The following PXT1 variants were observed in gnomAD, a reference collection of about 807,000 sequenced individuals.
PXT1 encodes the protein peroxisomal testis-specific protein 1.
A neutral mutation model predicts 11.0 loss-of-function variants in PXT1; 11 were observed. That is an observed-to-expected ratio of 1.00 (90% CI 0.63 to 1.66). The LOEUF is 1.66. Ranked by LOEUF, PXT1 falls within the 40% of genes most tolerant of loss-of-function variation. PXT1 has a pLI of 0.00. For synonymous variants in PXT1, 43 were observed against 51.4 expected (o/e 0.84, Z 0.70); for missense variants, 141 against 155.5 (o/e 0.91, Z 0.49).
intron 2 of PXT1, among the ~76,000 whole-genome samples, chr6:36,437,647 G>A (rs1419305630): frequency 6.6e-6 from 1 of 150,564 alleles, no homozygotes; most frequent in Non-Finnish European, 1.5e-5. Context: ...CTGAGTAGCT[G>A]GGACTACAGG....
At chr6:36,424,688 C>G (rs1774577254) in intron 3 of PXT1, among the ~76,000 whole-genome samples, 1 of 150,998 alleles carries the variant, frequency 6.6e-6, no homozygotes, top group South Asian at 2.1e-4. Context: ...AAATTTCAGT[C>G]AATTCAGTGC....
intron 3 of PXT1, among the ~76,000 whole-genome samples, chr6:36,413,599 T>C (rs1774406786): frequency 6.6e-6 from 1 of 152,272 alleles, no homozygotes; most frequent in Admixed American, 6.5e-5. Flanking sequence ...TCAATAACAA[T>C]GGATATTATA....
Position 36,391,651 on chromosome 6 carries a change from G to C in PXT1, c.*119C>G. Reference sequence around the variant, plus strand: ...AACAAACTGGGTGTAGACCAACAGTGATGGGTACAAAAAGAGGGAGACGGA... The same window carrying C: ...AACAAACTGGGTGTAGACCAACAGTCATGGGTACAAAAAGAGGGAGACGGA... On this transcript the variant is annotated 3_prime_UTR_variant, in exon 5 of 5. Transcript: ENST00000454782. 1.3e-6 allele frequency: 1 copy of C among 761,972 alleles called. No homozygotes were observed. The highest frequency in any genetic ancestry group is 1.5e-5 in the South Asian group (1 of 66,626). 47.2% of individuals were successfully genotyped at this position (761,972 alleles called of 1,614,324 possible).
chr6:36,440,930 GTAGT>G (rs1774849968), intron 1 of PXT1, among the ~76,000 whole-genome samples: 1 of 151,952 alleles, frequency 6.6e-6, no homozygotes, highest in Admixed American at 6.6e-5. Context: ...ATAAGACTCG[GTAGT>G]TAGCCTGATT....
chr6:36,421,403 A>T (rs1434174439), intron 3 of PXT1, among the ~76,000 whole-genome samples: 1 of 152,052 alleles, frequency 6.6e-6, no homozygotes, highest in Non-Finnish European at 1.5e-5. Context: ...CGAGGCTGCC[A>T]TGAGCTATGA....
At chr6:36,440,207 T>C (rs1327743109) in intron 1 of PXT1, among the ~76,000 whole-genome samples, 1 of 152,230 alleles carries the variant, frequency 6.6e-6, no homozygotes, top group Non-Finnish European at 1.5e-5. Flanking sequence ...GCTTAGTCGG[T>C]AGAAATGAGG....
intron 2 of PXT1, among the ~76,000 whole-genome samples, chr6:36,426,390 G>C (rs1446447069): frequency 2.3e-5 from 1 of 42,960 alleles, no homozygotes; most frequent in Non-Finnish European, 4.4e-5. Flanking sequence ...TTTTTTTTGA[G>C]ACGAAGTTTT....
rs142728451 is a variant in PXT1, at chr6:36,405,336, G to T, written c.170-4752C>A. Among the ~76,000 whole-genome samples, 674 of 151,764 alleles carry T rather than the reference G, an allele frequency of 4.4e-3. 7 individuals carry two copies. Among genetic ancestry groups the T allele is most frequent in the African/African-American group, 0.016 (645 of 41,414 alleles). ...AAATGTAAAAGTTTCAAAATAAAAA[G>T]TTACAGTAAGCTAAGGTTAATTTAT... On this transcript the variant is annotated intron_variant, in intron 3 of 4. Transcript: ENST00000454782.
rs1774056301 is a variant in PXT1 at position 36,390,868 on chromosome 6, A to G, written c.*902T>C. 6.6e-6 allele frequency: 1 copy of G among 152,238 alleles called. No individual in the cohort carries two copies. Among genetic ancestry groups the G allele is most frequent in the Admixed American group, 6.5e-5 (1 of 15,276 alleles). The allele number at this position is 152,238 out of a possible 1,614,324, so 9.4% of individuals were successfully genotyped here. On this transcript the variant is annotated 3_prime_UTR_variant, in exon 5 of 5. Transcript: ENST00000454782. Reference sequence around the variant, plus strand: ...AATAGGAAAAGAGAAGTTTTTGCCTAGTGATAGATTCATAACTCTTTCAGG... The same window carrying G: ...AATAGGAAAAGAGAAGTTTTTGCCTGGTGATAGATTCATAACTCTTTCAGG...
At chr6:36,422,981 G>T (rs1774544047) in intron 3 of PXT1, among the ~76,000 whole-genome samples, 1 of 152,104 alleles carries the variant, frequency 6.6e-6, no homozygotes, top group African/African-American at 2.4e-5. Context: ...TCCCTTAAAT[G>T]ATGTGTATCA....
At chr6:36,402,934 C>A (rs1774234011) in intron 3 of PXT1, among the ~76,000 whole-genome samples, 1 of 141,518 alleles carries the variant, frequency 7.1e-6, no homozygotes, top group Admixed American at 7.4e-5. Flanking sequence ...TTTTATTTTT[C>A]TTTTCTTTCT....
At chr6:36,437,777 A>G (rs1372699586) in intron 2 of PXT1, among the ~76,000 whole-genome samples, 1 of 145,380 alleles carries the variant, frequency 6.9e-6, no homozygotes, top group Non-Finnish European at 1.5e-5. Context: ...CAGCCTCCCA[A>G]TGTGCTGGGA....
intron 3 of PXT1, among the ~76,000 whole-genome samples, chr6:36,415,547 T>C (rs542111937): frequency 1.3e-5 from 2 of 152,288 alleles, no homozygotes; most frequent in East Asian, 3.9e-4. Context: ...TGGGGATGAA[T>C]GGAAATTTTC....
Position 36,425,966 on chromosome 6 carries a change from G to A in PXT1, c.117C>T (p.Tyr39=). The A allele has an allele frequency of 6.5e-7, 1 of 1,535,886 alleles. No individual in the cohort carries two copies. The highest frequency in any genetic ancestry group is 1.2e-5 in the South Asian group (1 of 83,700). ...GCTGGGAGCTGACAAGTTGGGTCATGTATGCCTTCTGAAAACTGTATTTTA... is the reference window on the plus strand; with the variant it reads ...GCTGGGAGCTGACAAGTTGGGTCATATATGCCTTCTGAAAACTGTATTTTA... ...LWLKYSFQKA[Y]MTQLVSSQPV... is the part of the protein sequence containing the mutation. Residue 39 remains tyrosine (Y), a synonymous_variant, in exon 3 of 5, where the codon TAC becomes TAT. Transcript: ENST00000454782.
chr6:36,392,761 C>T (rs948782181), intron 4 of PXT1, among the ~76,000 whole-genome samples: 9 of 152,078 alleles, frequency 5.9e-5, no homozygotes, highest in South Asian at 2.1e-4. Context: ...CTGTTTATGT[C>T]GGAACATCAG....
chr6:36,403,319 C>T (rs1774240222), intron 3 of PXT1, among the ~76,000 whole-genome samples: 1 of 152,214 alleles, frequency 6.6e-6, no homozygotes, highest in Non-Finnish European at 1.5e-5. Context: ...TGCAATTAAC[C>T]TTAGCACGGA....
intron 4 of PXT1, among the ~76,000 whole-genome samples, chr6:36,400,162 TCTGA>T (rs1774193798): frequency 6.6e-6 from 1 of 152,200 alleles, no homozygotes; most frequent in Admixed American, 6.5e-5. Context: ...AGATTCTGAT[TCTGA>T]CTGTGTGGGC....
chr6:36,417,952 T>C (rs1774473899), intron 3 of PXT1, among the ~76,000 whole-genome samples: 1 of 151,932 alleles, frequency 6.6e-6, no homozygotes, highest in Admixed American at 6.6e-5. Context: ...ATCCCAGCAC[T>C]CTGGGAGGCT....
In PXT1 at chr6:36,391,616, G is replaced by T; in HGVS notation, c.*154C>A. 2 of 663,478 alleles carry T rather than the reference G, an allele frequency of 3.0e-6. No individual in the cohort carries two copies. The highest frequency in any genetic ancestry group is 1.7e-5 in the South Asian group (1 of 59,488). 41.1% of individuals were successfully genotyped at this position (663,478 alleles called of 1,614,324 possible). A position where few individuals can be genotyped will look rare whatever the true frequency, so the allele number is the denominator to read the frequency against. ...GAAGAGACAAATGGCTCGTGAACCC[G>T]CAGTTCTTCAACAAACTGGGTGTAG... On this transcript the variant is annotated 3_prime_UTR_variant, in exon 5 of 5. Transcript: ENST00000454782.
Sources: gnomAD v4.1 joint callset for allele counts (sites outside exome capture counted in the v4.1 genomes callset) on GRCh38, gnomAD v4.1.1 for gene constraint, MANE v1.5 for transcripts, NCBI Gene and HGNC (gene_info 2026-07-23, HGNC 2026-07-21) for gene names.